GALNT13: variants seen among roughly 807,000 people sequenced by gnomAD.
GALNT13 encodes UDP-GalNAc:polypeptide N-acetylgalactosaminyltransferase 13.
A neutral mutation model predicts 64.2 loss-of-function variants in GALNT13; 28 were observed. That is an observed-to-expected ratio of 0.44 (90% CI 0.32 to 0.60). The LOEUF (loss-of-function observed/expected upper bound fraction) is 0.60, where lower values mean the gene tolerates loss of function less well. Ranked by LOEUF, GALNT13 falls within the 20% of genes least tolerant of loss-of-function variation. The pLI is 0.05. For synonymous variants in GALNT13, 214 were observed against 224.6 expected, an observed-to-expected ratio of 0.95 and a Z score of 0.42; for missense variants, 577 against 669.8, an observed-to-expected ratio of 0.86 and a Z score of 1.53.
chr2:154,006,184 G>A (rs1696238476), intron 3 of GALNT13, among the ~76,000 whole-genome samples: 1 of 152,048 alleles, frequency 6.6e-6, no homozygotes, highest in African/African-American at 2.4e-5. Context: ...AAAACTCATT[G>A]GACTTCAAAT....
the GALNT13 span, among the ~76,000 whole-genome samples, chr2:153,256,563 T>G: frequency 1.1e-3 from 172 of 152,302 alleles, no homozygotes; most frequent in African/African-American, 3.9e-3. Flanking sequence ...GAGTTTCCAG[T>G]TTTTCTGCTC....
In GALNT13 at chr2:154,165,890, G is replaced by A. The variant is rs76203886; in HGVS notation, c.311+25385G>A. On this transcript the variant is annotated intron_variant, in intron 4 of 12. Coordinates refer to ENST00000392825, the MANE Select transcript of GALNT13 (RefSeq NM_052917.4). ...AACTCCACAGGTGGAAAAGATTTTC[G>A]ATTGATTACCAGTTCAAGAGAGTAT... Among the ~76,000 whole-genome samples, 68 of 152,240 alleles carry A rather than the reference G, an allele frequency of 4.5e-4. 3 individuals carry two copies. In the East Asian group the frequency reaches 0.012, roughly 27 times the overall value.
At chr2:153,979,038 A>G (rs1047579436) in intron 3 of GALNT13, among the ~76,000 whole-genome samples, 16 of 152,172 alleles carry the variant, frequency 1.1e-4, no homozygotes, top group African/African-American at 3.9e-4. Flanking sequence ...TGTTACATCT[A>G]CAGAAAATTT....
At chr2:154,184,690 A>G (rs187011598) in intron 4 of GALNT13, among the ~76,000 whole-genome samples, 1 of 152,222 alleles carries the variant, frequency 6.6e-6, no homozygotes. Context: ...AGAAAACAAG[A>G]GTAGGGAGTA....
intron 9 of GALNT13, among the ~76,000 whole-genome samples, chr2:154,367,638 C>T (rs967341098): frequency 3.3e-5 from 5 of 152,054 alleles, no homozygotes; most frequent in African/African-American, 7.2e-5. Flanking sequence ...CACATTTTCA[C>T]GGTTCCTATT....
At chr2:153,618,647 G>A in the GALNT13 span, among the ~76,000 whole-genome samples, 1 of 151,654 alleles carries the variant, frequency 6.6e-6, no homozygotes, top group Non-Finnish European at 1.5e-5. Flanking sequence ...TTATTGTTTT[G>A]GGGTCTCTCT....
At chr2:154,056,947 C>T (rs969604662) in intron 3 of GALNT13, among the ~76,000 whole-genome samples, 2 of 151,670 alleles carry the variant, frequency 1.3e-5, no homozygotes, top group Admixed American at 1.3e-4. Flanking sequence ...TTTCATTTCT[C>T]TTACTACCTA....
chr2:153,962,649 C>A (rs1031328543), intron 3 of GALNT13, among the ~76,000 whole-genome samples: 1 of 152,158 alleles, frequency 6.6e-6, no homozygotes, highest in Admixed American at 6.6e-5. Context: ...AATTAAGGAA[C>A]TTATTTCCAA....
chr2:153,823,911 A>G, the GALNT13 span, among the ~76,000 whole-genome samples: 1 of 152,314 alleles, frequency 6.6e-6, no homozygotes, highest in Non-Finnish European at 1.5e-5. Flanking sequence ...ACCTTAAACA[A>G]TTCAACCAAC....
At chr2:154,338,861 C>T (rs1695601391) in intron 9 of GALNT13, among the ~76,000 whole-genome samples, 1 of 151,944 alleles carries the variant, frequency 6.6e-6, no homozygotes, top group Non-Finnish European at 1.5e-5. Flanking sequence ...CATGAGTTGT[C>T]TACTATATCT....
At chr2:153,470,800 A>G in the GALNT13 span, among the ~76,000 whole-genome samples, 2 of 152,192 alleles carry the variant, frequency 1.3e-5, no homozygotes, top group Non-Finnish European at 1.5e-5. Context: ...AGAATGTATC[A>G]TTTCCTTAGA....
At chr2:153,650,534 T>G in the GALNT13 span, among the ~76,000 whole-genome samples, 1 of 152,222 alleles carries the variant, frequency 6.6e-6, no homozygotes, top group Non-Finnish European at 1.5e-5. Flanking sequence ...TTTTGCTCTT[T>G]AGTTGATGCA....
chr2:153,574,286 T>C, the GALNT13 span, among the ~76,000 whole-genome samples: 5 of 152,132 alleles, frequency 3.3e-5, no homozygotes, highest in African/African-American at 1.2e-4. Flanking sequence ...CCTTTCTTTA[T>C]CCTTGACCTT....
chr2:154,210,976 G>A (rs966710026), intron 4 of GALNT13, among the ~76,000 whole-genome samples: 7 of 152,112 alleles, frequency 4.6e-5, no homozygotes, highest in Admixed American at 1.3e-4. Flanking sequence ...TTGAAAATAC[G>A]AAGAGAGGCA....
chr2:153,999,878 T>A (rs1695783495), intron 3 of GALNT13, among the ~76,000 whole-genome samples: 1 of 152,048 alleles, frequency 6.6e-6, no homozygotes, highest in South Asian at 2.1e-4. Flanking sequence ...TGCGTGAGTT[T>A]GAGAAGAATT....
At chr2:154,069,978 C>A (rs1700660918) in intron 3 of GALNT13, among the ~76,000 whole-genome samples, 1 of 151,940 alleles carries the variant, frequency 6.6e-6, no homozygotes, top group African/African-American at 2.4e-5. Flanking sequence ...TATTAGAATG[C>A]ACTACTAAAA....
At chr2:154,317,209 CAAAA>C (rs10711591) in intron 9 of GALNT13, among the ~76,000 whole-genome samples, 1 of 103,368 alleles carries the variant, frequency 9.7e-6, no homozygotes. Flanking sequence ...CGAGACATCT[CAAAA>C]AAAAAAAAAA....
rs547586600 is a variant in GALNT13 at position 154,042,060 on chromosome 2, T to G, written c.142+97421T>G. ...TAACTGGAATGTTTTATAATTGATT[T>G]ATAAAAATCACAAGTGATGTTCTTT... On this transcript the variant is annotated intron_variant, in intron 3 of 12. Coordinates refer to ENST00000392825, the MANE Select transcript of GALNT13 (RefSeq NM_052917.4). 2.8e-5 allele frequency among the ~76,000 whole-genome samples: 4 copies of G among 140,958 alleles called. 1 individual carries two copies. In the East Asian group the frequency reaches 6.0e-4, roughly 21 times the overall value. The allele number at this position is 140,958 out of a possible 152,430, so 92.5% of individuals were successfully genotyped here. A position where few individuals can be genotyped will look rare whatever the true frequency, so the allele number is the denominator to read the frequency against.
At chr2:154,007,553 A>C (rs1465675147) in intron 3 of GALNT13, among the ~76,000 whole-genome samples, 2 of 151,958 alleles carry the variant, frequency 1.3e-5, no homozygotes, top group African/African-American at 4.8e-5. Context: ...CCATATGAGG[A>C]ATATGTTGTT....
Sources: allele counts gnomAD v4.1 joint callset (sites outside exome capture counted in the v4.1 genomes callset), GRCh38; gene constraint gnomAD v4.1.1; transcripts MANE v1.5; gene names NCBI Gene and HGNC (gene_info 2026-07-23, HGNC 2026-07-21).